The following MED27 variants were observed in gnomAD, a reference collection of about 807,000 sequenced individuals.
MED27 encodes mediator complex subunit 27.
A neutral mutation model predicts 38.2 loss-of-function variants in MED27; 30 were observed. That is an observed-to-expected ratio of 0.79 (90% CI 0.59 to 1.07). The LOEUF is 1.07. Ranked by LOEUF, MED27 falls within the 50% of genes least tolerant of loss-of-function variation. MED27 has a pLI of 0.00. For missense variants in MED27, 289 were observed against 397.5 expected (o/e 0.73, Z 2.32); for synonymous variants, 122 against 153.5 (o/e 0.79, Z 1.52).
chr9:131,921,873 G>C (rs1287458277), intron 4 of MED27, among the ~76,000 whole-genome samples: 1 of 152,136 alleles, frequency 6.6e-6, no homozygotes, highest in Non-Finnish European at 1.5e-5. Flanking sequence ...GTCCTTTGTA[G>C]GGACATGGAT....
chr9:131,884,407 C>T (rs2131486269), intron 5 of MED27, among the ~76,000 whole-genome samples: 1 of 152,302 alleles, frequency 6.6e-6, no homozygotes, highest in South Asian at 2.1e-4. Flanking sequence ...ACGGCTCTTG[C>T]ATATCTCAAT....
intron 3 of MED27, among the ~76,000 whole-genome samples, chr9:131,988,952 T>A (rs1394434579): frequency 3.3e-5 from 5 of 152,236 alleles, no homozygotes; most frequent in East Asian, 3.8e-4. Flanking sequence ...GTTCTTTTTT[T>A]AATTTTACTT....
intron 3 of MED27, among the ~76,000 whole-genome samples, chr9:132,013,227 G>A (rs1832520170): frequency 6.6e-6 from 1 of 152,218 alleles, no homozygotes; most frequent in Non-Finnish European, 1.5e-5. Flanking sequence ...TGAATCAAAT[G>A]TGGCATATTC....
At chr9:132,059,214 C>A (rs1833647421) in intron 2 of MED27, among the ~76,000 whole-genome samples, 1 of 152,214 alleles carries the variant, frequency 6.6e-6, no homozygotes, top group Non-Finnish European at 1.5e-5. Flanking sequence ...CAAGTCCTTT[C>A]TTCAAAGCTT....
intron 6 of MED27, among the ~76,000 whole-genome samples, chr9:131,874,472 G>A (rs1252844816): frequency 6.6e-6 from 1 of 152,164 alleles, no homozygotes; most frequent in Non-Finnish European, 1.5e-5. Context: ...AGGAGCCTGA[G>A]TGAATGGGAG....
At chr9:132,048,638 ACATGAAAGGCCAACAGCAGAACCCCT>A (rs1223179601) in intron 2 of MED27, among the ~76,000 whole-genome samples, 2 of 152,092 alleles carry the variant, frequency 1.3e-5, no homozygotes, top group African/African-American at 4.8e-5. Context: ...CCCATGCTTA[ACATGAAAGGCCAACAGCAGAACCCCT>A]CTGGACCTGT....
intron 2 of MED27, among the ~76,000 whole-genome samples, chr9:132,034,700 CA>C (rs1174887838): frequency 1.3e-5 from 2 of 152,152 alleles, no homozygotes; most frequent in African/African-American, 2.4e-5. Context: ...CCCTGGCACC[CA>C]GGGGGTTCAG....
At chr9:132,019,392 C>A (rs1016930113) in intron 2 of MED27, among the ~76,000 whole-genome samples, 1 of 152,164 alleles carries the variant, frequency 6.6e-6, no homozygotes, top group African/African-American at 2.4e-5. Flanking sequence ...TGGCCTCTTA[C>A]GAAAGCAAAC....
At chr9:131,990,411 T>C (rs1831945773) in intron 3 of MED27, among the ~76,000 whole-genome samples, 2 of 152,212 alleles carry the variant, frequency 1.3e-5, no homozygotes, top group African/African-American at 4.8e-5. Context: ...GGTCCTGAAA[T>C]TGCACACACT....
At chr9:132,043,767 T>C (rs1833273099) in intron 2 of MED27, among the ~76,000 whole-genome samples, 1 of 151,904 alleles carries the variant, frequency 6.6e-6, no homozygotes, top group African/African-American at 2.4e-5. Flanking sequence ...ATAGTAGAGG[T>C]GGAAGGAGCG....
intron 4 of MED27, among the ~76,000 whole-genome samples, chr9:131,907,450 C>T (rs1206399138): frequency 6.6e-6 from 1 of 152,190 alleles, no homozygotes; most frequent in Non-Finnish European, 1.5e-5. Context: ...CATCTCCTAA[C>T]CGTGAGTGAT....
At chr9:132,074,346 T>C (rs891545444) in intron 2 of MED27, among the ~76,000 whole-genome samples, 1 of 152,096 alleles carries the variant, frequency 6.6e-6, no homozygotes, top group Non-Finnish European at 1.5e-5. Flanking sequence ...CTAAAGAAAA[T>C]AATTAGTCAT....
chr9:131,939,134 G>A (rs1365405643), intron 4 of MED27, among the ~76,000 whole-genome samples: 2 of 152,220 alleles, frequency 1.3e-5, no homozygotes, highest in African/African-American at 4.8e-5. Flanking sequence ...GACTTAAGGT[G>A]AAATGGTCTT....
intron 3 of MED27, among the ~76,000 whole-genome samples, chr9:131,956,329 A>G (rs777633652): frequency 6.6e-6 from 1 of 152,192 alleles, no homozygotes; most frequent in Non-Finnish European, 1.5e-5. Flanking sequence ...AAGAGTTCTG[A>G]AGATGAATGG....
chr9:131,962,552 T>A (rs1309526611), intron 3 of MED27, among the ~76,000 whole-genome samples: 3 of 152,170 alleles, frequency 2.0e-5, no homozygotes, highest in Admixed American at 2.0e-4. Context: ...GATTTTTTTT[T>A]TTTTGTGATA....
intron 2 of MED27, among the ~76,000 whole-genome samples, chr9:132,040,006 T>C (rs1351357907): frequency 6.6e-6 from 1 of 152,206 alleles, no homozygotes; most frequent in Non-Finnish European, 1.5e-5. Flanking sequence ...AAGTGGGACA[T>C]TTTGATAAAG....
intron 4 of MED27, among the ~76,000 whole-genome samples, chr9:131,899,082 G>A (rs1173601162): frequency 6.6e-6 from 1 of 152,204 alleles, no homozygotes; most frequent in Non-Finnish European, 1.5e-5. Context: ...GAAGGGGATG[G>A]CACAGGGCCT....
At chr9:132,035,570 T>C (rs921973555) in intron 2 of MED27, among the ~76,000 whole-genome samples, 4 of 152,174 alleles carry the variant, frequency 2.6e-5, no homozygotes, top group African/African-American at 9.7e-5. Context: ...AAGGGACCAC[T>C]TGAGCTGAAA....
intron 3 of MED27, among the ~76,000 whole-genome samples, chr9:131,988,732 C>T (rs9411423): frequency 0.56 from 85,132 of 151,940 alleles, 25,923 homozygotes; most frequent in Non-Finnish European, 0.67. Flanking sequence ...CCCCCTTTGG[C>T]CTCCCAAGGA....
Sources: allele counts gnomAD v4.1 joint callset (sites outside exome capture counted in the v4.1 genomes callset), GRCh38; gene constraint gnomAD v4.1.1; transcripts MANE v1.5; gene names NCBI Gene and HGNC (gene_info 2026-07-23, HGNC 2026-07-21).